The following SLC9A7 variants were observed in gnomAD, a reference collection of about 807,000 sequenced individuals.
The protein encoded by SLC9A7 is sodium/hydrogen exchanger 7.
In SLC9A7, 19 loss-of-function variants were observed where a neutral mutation model predicts 52.6. The observed-to-expected ratio is 0.36, with a 90% CI of 0.25 to 0.53. The LOEUF (loss-of-function observed/expected upper bound fraction) is 0.53, where lower values mean the gene tolerates loss of function less well. Among genes scored for constraint, SLC9A7 ranks in the 20% least tolerant of loss-of-function variants. SLC9A7 has a pLI of 0.91. For missense variants in SLC9A7, 455 were observed against 597.9 expected, an observed-to-expected ratio of 0.76 and a Z score of 2.49; for synonymous variants, 226 against 252.1, an observed-to-expected ratio of 0.90 and a Z score of 0.98.
chrX:46,660,240 A>C (rs1175044825), intron 7 of SLC9A7, among the ~76,000 whole-genome samples: 1 of 110,778 alleles, frequency 9.0e-6, no homozygotes, highest in Admixed American at 9.6e-5. Flanking sequence ...TAAAGACTTA[A>C]ATGTTAGACC....
intron 10 of SLC9A7, among the ~76,000 whole-genome samples, chrX:46,649,894 C>A (rs1272517741): frequency 8.9e-6 from 1 of 112,583 alleles, no homozygotes; most frequent in African/African-American, 3.2e-5. Flanking sequence ...GTAAACAGGG[C>A]TGTGCTCTCA....
chrX:46,718,890 G>A (rs1456839537), intron 1 of SLC9A7, among the ~76,000 whole-genome samples: 1 of 111,922 alleles, frequency 8.9e-6, no homozygotes, highest in Admixed American at 9.4e-5. Context: ...ACAGTGTGGT[G>A]ATTCCTCAAG....
At chrX:46,673,442 C>T (rs772388254) in intron 3 of SLC9A7, among the ~76,000 whole-genome samples, 23 of 111,315 alleles carry the variant, frequency 2.1e-4, no homozygotes, top group Admixed American at 8.6e-4. Context: ...AGTCATTAGG[C>T]CTGTGGGATA....
chrX:46,635,721 T>C, intron 12 of SLC9A7, 73 bp from the exon 13 acceptor site: 2 of 735,971 alleles, frequency 2.7e-6, no homozygotes, highest in Admixed American at 2.4e-5. Context: ...GCAAATGATC[T>C]GGACCATGTC....
intron 15 of SLC9A7, among the ~76,000 whole-genome samples, chrX:46,617,300 T>G (rs2146689494): frequency 8.9e-6 from 1 of 112,124 alleles, no homozygotes; most frequent in South Asian, 3.7e-4. Context: ...TTCTCTAGTA[T>G]CATGACTGAA....
In SLC9A7 at chrX:46,679,673, C is replaced by G; in HGVS notation, c.603+5G>C. On this transcript the variant is annotated splice_donor_5th_base_variant and intron_variant, in intron 3 of 16. Coordinates refer to ENST00000616978, the MANE Select transcript of SLC9A7 (RefSeq NM_001257291.2). ...ATTTCAGAAATACTGGCAAAAACAT[C>G]TTACCTTCTTTAAGCTGTATCCAGC... 8.5e-7 allele frequency: 1 copy of G among 1,173,523 alleles called. No individual in the cohort carries two copies. The highest frequency in any genetic ancestry group is 1.2e-6 in the Non-Finnish European group (1 of 867,662).
In SLC9A7 at chrX:46,759,052, C is replaced by T; in HGVS notation, c.-23G>A. The T allele has an allele frequency of 2.2e-6, 2 of 903,907 alleles. No individual in the cohort carries two copies. The highest frequency in any genetic ancestry group is 5.6e-5 in the South Asian group (1 of 17,821). 74.5% of individuals were successfully genotyped at this position (903,907 alleles called of 1,213,427 possible). On this transcript the variant is annotated 5_prime_UTR_variant, in exon 1 of 17. Transcript: ENST00000616978. ...CATGGTCCCGGGGCCCCCCGCGCCTCCTCCGAGCGGGGACCAGCAGCCCGC... is the reference window on the plus strand; with the variant it reads ...CATGGTCCCGGGGCCCCCCGCGCCTTCTCCGAGCGGGGACCAGCAGCCCGC...
intron 11 of SLC9A7, chrX:46,646,872 G>A: frequency 6.1e-6 from 2 of 326,263 alleles, no homozygotes; most frequent in Non-Finnish European, 1.2e-5. Flanking sequence ...TGGCAGAAGT[G>A]TCCTTCAGAC....
intron 1 of SLC9A7, among the ~76,000 whole-genome samples, chrX:46,747,668 G>A (rs779965661): frequency 6.8e-4 from 76 of 111,488 alleles, no homozygotes; most frequent in Non-Finnish European, 1.3e-3. Flanking sequence ...TTAATATTCA[G>A]AATATATAAA....
intron 1 of SLC9A7, among the ~76,000 whole-genome samples, chrX:46,718,699 C>A (rs1406849356): frequency 7.1e-5 from 8 of 112,268 alleles, no homozygotes; most frequent in African/African-American, 2.6e-4. Context: ...TGAAAAAATG[C>A]TCATCATCAC....
intron 1 of SLC9A7, among the ~76,000 whole-genome samples, chrX:46,724,585 T>C (rs1377943190): frequency 8.9e-6 from 1 of 111,991 alleles, no homozygotes; most frequent in African/African-American, 3.3e-5. Context: ...CAAGTCAAGA[T>C]GTAATACTGA....
chrX:46,647,586 A>T (rs1943513979), intron 11 of SLC9A7, among the ~76,000 whole-genome samples: 1 of 112,696 alleles, frequency 8.9e-6, no homozygotes, highest in Admixed American at 9.4e-5. Flanking sequence ...CTTGGAAGAA[A>T]ATTAACTCTT....
chrX:46,686,758 C>T (rs1364040993), intron 1 of SLC9A7, among the ~76,000 whole-genome samples: 1 of 111,616 alleles, frequency 9.0e-6, no homozygotes, highest in Non-Finnish European at 1.9e-5. Flanking sequence ...GGGAAAATAG[C>T]ACATAAAATG....
chrX:46,612,540 C>T (rs1942869410), intron 16 of SLC9A7, among the ~76,000 whole-genome samples: 1 of 111,754 alleles, frequency 8.9e-6, no homozygotes, highest in Middle Eastern at 4.6e-3. Context: ...AAAAGGAATC[C>T]TTGCATGCTT....
At chrX:46,737,314 TG>T (rs1018398632) in intron 1 of SLC9A7, among the ~76,000 whole-genome samples, 2 of 112,001 alleles carry the variant, frequency 1.8e-5, no homozygotes, top group African/African-American at 6.5e-5. Flanking sequence ...TCCCTATATC[TG>T]TGGCCCCCAA....
chrX:46,642,914 G>A (rs1031214201), intron 12 of SLC9A7, among the ~76,000 whole-genome samples: 13 of 111,757 alleles, frequency 1.2e-4, no homozygotes, highest in Non-Finnish European at 1.3e-4. Flanking sequence ...GGGGCTCTTG[G>A]TCTATTTTCT....
At position 46,606,998 on chromosome X, in the gene SLC9A7, G is replaced by A. The variant is rs780176982; in HGVS notation, c.2135C>T (p.Ser712Leu). The change falls in exon 17 of 17, where the codon TCG (serine) becomes TTG (leucine). Residue 712 changes from serine (S) to leucine (L), a missense_variant. By Grantham distance (145) the Ser-to-Leu change is moderately radical (BLOSUM62 -2). This residue lies in a region of SLC9A7 where 146 missense variants were observed against 160.5 expected (regional missense o/e 0.91). Transcript: ENST00000616978. ...RDLGMGDQKVSSRGTRLVFPL... is the reference protein window; with the variant it reads ...RDLGMGDQKVLSRGTRLVFPL... ...AAACACTAGGCGGGTGCCCCGGCTCGAAACCTTCTGGTCTCCCATTCCCAG... is the reference window on the plus strand; with the variant it reads ...AAACACTAGGCGGGTGCCCCGGCTCAAAACCTTCTGGTCTCCCATTCCCAG... 1.9e-5 allele frequency: 23 copies of A among 1,209,080 alleles called. No individual in the cohort carries two copies. The highest frequency in any genetic ancestry group is 2.2e-5 in the Admixed American group (1 of 45,654).
At chrX:46,619,926 T>C (rs1602139776) in intron 15 of SLC9A7, among the ~76,000 whole-genome samples, 1 of 111,849 alleles carries the variant, frequency 8.9e-6, no homozygotes, top group Non-Finnish European at 1.9e-5. Context: ...CATGAGCTAC[T>C]ATGCCCAGCC....
intron 1 of SLC9A7, 49 bp downstream of exon 1, chrX:46,758,656 G>C: frequency 2.2e-6 from 2 of 906,645 alleles, no homozygotes; most frequent in Non-Finnish European, 3.0e-6. Flanking sequence ...CAGGAGGAGC[G>C]CGGCGGCCGA....
Sources: allele counts gnomAD v4.1 joint callset (sites outside exome capture counted in the v4.1 genomes callset), GRCh38; gene constraint gnomAD v4.1.1; regional missense constraint gnomAD v4.1.1; transcripts MANE v1.5; gene names NCBI Gene and HGNC (gene_info 2026-07-23, HGNC 2026-07-21).